The following NUP107 variants were observed in gnomAD, a reference collection of about 807,000 sequenced individuals.
NUP107 encodes the protein nuclear pore complex protein Nup107.
Under a neutral mutation model 141.0 loss-of-function variants are expected in NUP107, and 101 were observed. The observed-to-expected ratio is 0.72, with a 90% CI of 0.61 to 0.84. The LOEUF (loss-of-function observed/expected upper bound fraction) is 0.84. NUP107 is among the 40% of genes least tolerant of loss of function. NUP107 has a pLI of 0.00. For missense variants in NUP107, 941 were observed against 1,102.7 expected (o/e 0.85, Z 2.08); for synonymous variants, 319 against 363.9 (o/e 0.88, Z 1.41).
chr12:68,708,061 C>A (rs548287188), intron 8 of NUP107, among the ~76,000 whole-genome samples: 1 of 152,124 alleles, frequency 6.6e-6, no homozygotes, highest in Admixed American at 6.6e-5. Flanking sequence ...CACTGCACTC[C>A]AGCCTGGATG....
intron 17 of NUP107, 21 bp downstream of exon 17, chr12:68,722,173 G>A: frequency 6.2e-7 from 1 of 1,603,736 alleles, no homozygotes; most frequent in South Asian, 1.1e-5. Flanking sequence ...ATAGGAATAT[G>A]TTAGGTATCT....
chr12:68,692,836 G>A (rs112406208), intron 5 of NUP107, among the ~76,000 whole-genome samples: 5,165 of 146,768 alleles, frequency 0.035, 110 homozygotes, highest in Middle Eastern at 0.074. Context: ...TGCAACCTCC[G>A]CCTCCCAGGT....
In NUP107 at chr12:68,686,991, C is replaced by T. The variant is rs191151603; in HGVS notation, c.-75C>T. 0.021 allele frequency: 33,240 copies of T among 1,596,754 alleles called. 452 individuals carry two copies. The highest frequency in any genetic ancestry group is 0.043 in the Middle Eastern group (261 of 6,006). ...TGCTTCCGGGTCGAAGGGCTTGCTTCCGGAGAGCGGGAAGGCTAAAACGCG... is the reference window on the plus strand; with the variant it reads ...TGCTTCCGGGTCGAAGGGCTTGCTTTCGGAGAGCGGGAAGGCTAAAACGCG... On this transcript the variant is annotated 5_prime_UTR_variant, in exon 1 of 28. Transcript: ENST00000229179.
intron 20 of NUP107, among the ~76,000 whole-genome samples, chr12:68,730,716 G>C (rs1377697151): frequency 6.6e-6 from 1 of 152,204 alleles, no homozygotes; most frequent in Middle Eastern, 3.2e-3. Context: ...TGTAATCCCA[G>C]CACTTTAGGA....
At chr12:68,711,123 C>T (rs186247697) in intron 10 of NUP107, among the ~76,000 whole-genome samples, 57 of 150,342 alleles carry the variant, frequency 3.8e-4, no homozygotes, top group African/African-American at 1.4e-3. Flanking sequence ...GGCGTGGTGG[C>T]GGGCGGATCA....
chr12:68,719,888 G>A (rs111478871), intron 14 of NUP107, among the ~76,000 whole-genome samples: 2,528 of 152,282 alleles, frequency 0.017, 33 homozygotes, highest in Non-Finnish European at 0.026. Flanking sequence ...TAGAGAAAAA[G>A]TACTGGGCTA....
At chr12:68,697,151 G>A (rs557914471) in intron 6 of NUP107, among the ~76,000 whole-genome samples, 2 of 152,224 alleles carry the variant, frequency 1.3e-5, no homozygotes, top group Admixed American at 1.3e-4. Flanking sequence ...AATCCAGCCA[G>A]ATGCAATGGC....
chr12:68,740,886 A>T (rs185787371), intron 26 of NUP107, among the ~76,000 whole-genome samples: 217 of 150,522 alleles, frequency 1.4e-3, no homozygotes, highest in African/African-American at 4.9e-3. Flanking sequence ...TTTTTTTTTT[A>T]AATAGAAAAA....
intron 20 of NUP107, among the ~76,000 whole-genome samples, chr12:68,729,852 G>T (rs75255180): frequency 1.3e-5 from 2 of 150,796 alleles, no homozygotes; most frequent in Non-Finnish European, 1.5e-5. Context: ...GTGCAATGGC[G>T]CAATCTCAGC....
Position 68,742,598 on chromosome 12 carries a change from C to T in NUP107, c.*136C>T, listed in dbSNP as rs1330609095. ...AATTTTGTACTTTTCAGAATATTAT[C>T]GTGACACTTTCAACATGTAGGGATA... On this transcript the variant is annotated 3_prime_UTR_variant, in exon 28 of 28. Transcript: ENST00000229179. 2.6e-5 allele frequency: 12 copies of T among 458,192 alleles called. No homozygotes were observed. Among genetic ancestry groups the T allele is most frequent in the African/African-American group, 4.1e-5 (2 of 48,944 alleles). The allele number at this position is 458,192 out of a possible 1,614,324, so 28.4% of individuals were successfully genotyped here. A position where few individuals can be genotyped will look rare whatever the true frequency, so the allele number is the denominator to read the frequency against.
intron 8 of NUP107, among the ~76,000 whole-genome samples, chr12:68,704,269 A>C: frequency 6.6e-6 from 1 of 152,154 alleles, no homozygotes. Flanking sequence ...TTGGGGAAGA[A>C]ACATGCAAAT....
chr12:68,707,146 G>A (rs1876623307), intron 8 of NUP107: 3 of 541,698 alleles, frequency 5.5e-6, no homozygotes, highest in Non-Finnish European at 6.5e-6. Context: ...AGGAGCACAG[G>A]GAACAGGAGA....
chr12:68,722,629 C>A lies in NUP107; in HGVS notation c.1506+477C>A, dbSNP rs1462383140. Reference sequence around the variant, plus strand: ...TACTGATATGTATCCTTCTATATTTCTCTCCATGATCTTACGAATATGTGT... The same window carrying A: ...TACTGATATGTATCCTTCTATATTTATCTCCATGATCTTACGAATATGTGT... On this transcript the variant is annotated intron_variant, in intron 17 of 27. Transcript: ENST00000229179. Among the ~76,000 whole-genome samples, 5 of 152,078 alleles carry A rather than the reference C, an allele frequency of 3.3e-5. 1 individual carries two copies. Among genetic ancestry groups the A allele is most frequent in the African/African-American group, 9.7e-5 (4 of 41,426 alleles).
At chr12:68,725,007 G>T (rs1025834478) in intron 17 of NUP107, among the ~76,000 whole-genome samples, 7 of 152,076 alleles carry the variant, frequency 4.6e-5, no homozygotes, top group African/African-American at 1.7e-4. Flanking sequence ...GGAAAGGGAT[G>T]GTTTATTTAA....
intron 8 of NUP107, chr12:68,706,729 G>C (rs1219900111): frequency 2.6e-6 from 2 of 755,724 alleles, no homozygotes; most frequent in Admixed American, 3.4e-5. Flanking sequence ...ACATGGCACG[G>C]CAGCTGCGGG....
chr12:68,721,171 TAAGC>T lies in NUP107; in HGVS notation c.1307_1310del (p.Lys436SerfsTer19). 1 of 1,604,608 alleles carries T rather than the reference TAAGC, an allele frequency of 6.2e-7. No homozygotes were observed. Among genetic ancestry groups the T allele is most frequent in the Non-Finnish European group, 8.5e-7 (1 of 1,172,798 alleles). On this transcript the variant is annotated frameshift_variant and splice_region_variant, in exon 15 of 28. Transcript: ENST00000229179. LOFTEE classifies it high-confidence loss of function. The stretch of plus-strand genomic sequence containing the variant: ...TTTATGCAGCTTTAAGTGGGAATCT[TAAGC>T]AGGTATGCAATCTGTTTTAATGTTT...
At chr12:68,719,198 T>A in intron 12 of NUP107, 143 bp from the exon 13 acceptor site, 1 of 593,092 alleles carries the variant, frequency 1.7e-6, no homozygotes. Context: ...CAGAATTCCA[T>A]TATTAACTGT....
chr12:68,719,190 G>C, intron 12 of NUP107, 151 bp from the exon 13 acceptor site: 1 of 575,516 alleles, frequency 1.7e-6, no homozygotes, highest in East Asian at 3.3e-5. Context: ...CGCCCAGCCA[G>C]AATTCCATTA....
At position 68,725,820 on chromosome 12, in the gene NUP107, TTG is replaced by T; in HGVS notation, c.1576+28_1576+29del. 4 of 1,211,242 alleles carry T rather than the reference TTG, an allele frequency of 3.3e-6. No homozygotes were observed. In the South Asian group the frequency reaches 5.3e-5, roughly 16 times the overall value. 75.0% of individuals were successfully genotyped at this position (1,211,242 alleles called of 1,614,324 possible). ...TGGTAAGATATGGTTTTATTTTACTTTGTGTTTTTTGTGTGTGTTTTTTTTTT... is the reference window on the plus strand; with the variant it reads ...TGGTAAGATATGGTTTTATTTTACTTTGTTTTTTGTGTGTGTTTTTTTTTT... On this transcript the variant is annotated intron_variant, in intron 18 of 27. Coordinates refer to ENST00000229179, the MANE Select transcript of NUP107 (RefSeq NM_020401.4).
Sources: gnomAD v4.1 joint callset for allele counts (sites outside exome capture counted in the v4.1 genomes callset) on GRCh38, gnomAD v4.1.1 for gene constraint, MANE v1.5 for transcripts, NCBI Gene and HGNC (gene_info 2026-07-23, HGNC 2026-07-21) for gene names.